GRIA2: variants seen among roughly 807,000 people sequenced by gnomAD.
The protein encoded by GRIA2 is glutamate ionotropic receptor AMPA type subunit 2.
A neutral mutation model predicts 97.3 loss-of-function variants in GRIA2; 14 were observed. The ratio of observed to expected loss-of-function variants is 0.14; its 90% CI spans 0.10 to 0.23. The LOEUF is 0.23. Among genes scored for constraint, GRIA2 ranks in the 10% least tolerant of loss-of-function variants. The probability of loss-of-function intolerance (pLI) is 1.00; values close to 1 mark genes in which losing one functional copy is unlikely to be tolerated. For synonymous variants in GRIA2, 412 were observed against 387.8 expected (o/e 1.06, Z -0.73); for missense variants, 558 against 1,069.8 (o/e 0.52, Z 6.67).
intron 4 of GRIA2, among the ~76,000 whole-genome samples, chr4:157,314,529 T>C (rs1000915293): frequency 2.0e-5 from 3 of 152,180 alleles, no homozygotes; most frequent in African/African-American, 7.2e-5. Context: ...AATGTGAACC[T>C]CAAAAATGCA....
chr4:157,354,626 C>T (rs150089499), intron 12 of GRIA2, among the ~76,000 whole-genome samples: 4 of 152,242 alleles, frequency 2.6e-5, no homozygotes, highest in Non-Finnish European at 4.4e-5. Flanking sequence ...AATGTGATGG[C>T]AGATGTTGTT....
At chr4:157,340,069 G>T (rs1045120508) in intron 11 of GRIA2, among the ~76,000 whole-genome samples, 1 of 151,426 alleles carries the variant, frequency 6.6e-6, no homozygotes, top group Admixed American at 6.6e-5. Context: ...TTTCATTTAA[G>T]TTAGCTTCTC....
At position 157,239,331 on chromosome 4, in the gene GRIA2, CT is replaced by C. The variant is rs1023514513; in HGVS notation, c.229+17529del. 3.3e-5 allele frequency among the ~76,000 whole-genome samples: 5 copies of C among 151,840 alleles called. No homozygotes were observed. In the South Asian group the frequency reaches 1.0e-3, roughly 32 times the overall value. On this transcript the variant is annotated intron_variant, in intron 2 of 15. Transcript: ENST00000264426. ...TTTTTTCTTTCAATTTTGTATATGA[CT>C]TTTTAAAAGGTACTGTTTCAAAGAT...
chr4:157,317,382 A>AT (rs1442452272), intron 4 of GRIA2, among the ~76,000 whole-genome samples: 2 of 152,024 alleles, frequency 1.3e-5, no homozygotes, highest in Non-Finnish European at 2.9e-5. Flanking sequence ...CTGTGGTTTT[A>AT]TTTTTTACTA....
chr4:157,279,154 G>A (rs1034932203), intron 2 of GRIA2, among the ~76,000 whole-genome samples: 1 of 151,978 alleles, frequency 6.6e-6, no homozygotes, highest in African/African-American at 2.4e-5. Flanking sequence ...ACCTGTACTT[G>A]GGTATTTATA....
intron 2 of GRIA2, among the ~76,000 whole-genome samples, chr4:157,222,117 G>A (rs922989204): frequency 6.6e-6 from 1 of 152,084 alleles, no homozygotes; most frequent in African/African-American, 2.4e-5. Flanking sequence ...CGCTCATCTT[G>A]AGTGCTTCAG....
At chr4:157,248,402 A>C (rs1730829221) in intron 2 of GRIA2, among the ~76,000 whole-genome samples, 1 of 149,926 alleles carries the variant, frequency 6.7e-6, no homozygotes, top group African/African-American at 2.4e-5. Context: ...TAATTAATAT[A>C]TTCAAAATAC....
intron 12 of GRIA2, among the ~76,000 whole-genome samples, chr4:157,348,297 G>T: frequency 6.6e-6 from 1 of 152,038 alleles, no homozygotes; most frequent in Non-Finnish European, 1.5e-5. Context: ...TGTCACCCAG[G>T]CTGCAGTGCA....
intron 2 of GRIA2, among the ~76,000 whole-genome samples, chr4:157,222,505 G>A (rs1447268805): frequency 6.6e-6 from 1 of 152,164 alleles, no homozygotes; most frequent in Non-Finnish European, 1.5e-5. Flanking sequence ...GAAAGGGGGA[G>A]CGCTGTCAAT....
intron 2 of GRIA2, among the ~76,000 whole-genome samples, chr4:157,227,113 G>A (rs1048883114): frequency 6.6e-6 from 1 of 152,106 alleles, no homozygotes; most frequent in Non-Finnish European, 1.5e-5. Flanking sequence ...ATTACCTTAT[G>A]AAACTATAGA....
At chr4:157,303,526 C>T (rs766236571) in intron 2 of GRIA2, 26 bp from the exon 3 acceptor site, 77 of 1,601,876 alleles carry the variant, frequency 4.8e-5, no homozygotes, top group Non-Finnish European at 6.2e-5. Context: ...AATGATTTTT[C>T]CTTTCTATTT....
intron 2 of GRIA2, among the ~76,000 whole-genome samples, chr4:157,239,202 T>C (rs893381817): frequency 1.3e-5 from 2 of 152,114 alleles, no homozygotes; most frequent in South Asian, 2.1e-4. Flanking sequence ...CTAATCCTCC[T>C]TATGTCCAGA....
intron 3 of GRIA2, among the ~76,000 whole-genome samples, chr4:157,309,663 T>C (rs900777928): frequency 1.3e-5 from 2 of 152,212 alleles, no homozygotes; most frequent in African/African-American, 4.8e-5. Context: ...ACATCATCTC[T>C]ATATTCTTTT....
chr4:157,300,169 G>A (rs1733552170), intron 2 of GRIA2, among the ~76,000 whole-genome samples: 1 of 151,900 alleles, frequency 6.6e-6, no homozygotes, highest in Non-Finnish European at 1.5e-5. Flanking sequence ...GGCATCATTG[G>A]GGAATAAGGT....
intron 2 of GRIA2, among the ~76,000 whole-genome samples, chr4:157,234,810 G>T (rs1397368287): frequency 6.6e-6 from 1 of 152,128 alleles, no homozygotes; most frequent in African/African-American, 2.4e-5. Flanking sequence ...TGGAAGGTTT[G>T]AAACATTTTC....
At chr4:157,287,010 C>T (rs1315617874) in intron 2 of GRIA2, among the ~76,000 whole-genome samples, 1 of 151,370 alleles carries the variant, frequency 6.6e-6, no homozygotes, top group African/African-American at 2.4e-5. Context: ...AAATTTCAGC[C>T]TTCTCTTTAA....
At chr4:157,276,270 AC>A (rs1391996805) in intron 2 of GRIA2, among the ~76,000 whole-genome samples, 1 of 152,126 alleles carries the variant, frequency 6.6e-6, no homozygotes, top group Non-Finnish European at 1.5e-5. Context: ...TGTATATTAA[AC>A]AACACACTTC....
At chr4:157,353,422 G>A (rs1736105237) in intron 12 of GRIA2, among the ~76,000 whole-genome samples, 1 of 151,996 alleles carries the variant, frequency 6.6e-6, no homozygotes. Flanking sequence ...TGTAATCCCA[G>A]CACTTTGGGA....
At chr4:157,290,258 T>G (rs1486410713) in intron 2 of GRIA2, among the ~76,000 whole-genome samples, 1 of 151,876 alleles carries the variant, frequency 6.6e-6, no homozygotes, top group African/African-American at 2.4e-5. Flanking sequence ...AAATATTATT[T>G]TATGAAAGTA....
Sources: allele counts gnomAD v4.1 joint callset (sites outside exome capture counted in the v4.1 genomes callset), GRCh38; gene constraint gnomAD v4.1.1; transcripts MANE v1.5; gene names NCBI Gene and HGNC (gene_info 2026-07-23, HGNC 2026-07-21).